The following EPHA6 variants were observed in gnomAD, a reference collection of about 807,000 sequenced individuals.
The protein encoded by EPHA6 is ephrin type-A receptor 6.
A neutral mutation model predicts 112.0 loss-of-function variants in EPHA6; 50 were observed. The observed-to-expected ratio is 0.45, with a 90% CI of 0.36 to 0.56. The LOEUF is 0.56. Ranked by LOEUF, EPHA6 falls within the 20% of genes least tolerant of loss-of-function variation. The pLI, the probability that EPHA6 is intolerant of heterozygous loss-of-function variation, is 0.00. For synonymous variants in EPHA6, 529 were observed against 490.7 expected (o/e 1.08, Z -1.03); for missense variants, 1,280 against 1,417.4 (o/e 0.90, Z 1.56).
At chr3:96,898,416 T>G (rs1414501133) in intron 2 of EPHA6, among the ~76,000 whole-genome samples, 2 of 152,160 alleles carry the variant, frequency 1.3e-5, no homozygotes, top group African/African-American at 4.8e-5. Flanking sequence ...TTTTACGACC[T>G]CAGCAATACC....
intron 3 of EPHA6, 131 bp downstream of exon 3, chr3:96,988,124 T>TCAAA: frequency 1.0e-5 from 6 of 590,890 alleles, no homozygotes; most frequent in African/African-American, 1.9e-5. Flanking sequence ...ATATAATGTA[T>TCAAA]ACTGATCAGA....
At chr3:97,254,252 G>A (rs993029261) in intron 5 of EPHA6, among the ~76,000 whole-genome samples, 1 of 152,058 alleles carries the variant, frequency 6.6e-6, no homozygotes, top group East Asian at 1.9e-4. Flanking sequence ...GCAGTGGCGC[G>A]ATCTCGGCTC....
At chr3:97,507,507 G>A (rs941188510) in intron 10 of EPHA6, among the ~76,000 whole-genome samples, 7 of 152,100 alleles carry the variant, frequency 4.6e-5, no homozygotes, top group Non-Finnish European at 8.8e-5. Flanking sequence ...CATCCCAGGG[G>A]TGAAGCTGAC....
chr3:97,192,746 C>T (rs533579220), intron 3 of EPHA6, among the ~76,000 whole-genome samples: 58 of 152,226 alleles, frequency 3.8e-4, no homozygotes, highest in African/African-American at 1.3e-3. Flanking sequence ...TTAGTAGCTT[C>T]ATAGTTTCAG....
At chr3:97,534,527 T>A (rs2092736874) in intron 11 of EPHA6, among the ~76,000 whole-genome samples, 1 of 151,156 alleles carries the variant, frequency 6.6e-6, no homozygotes, top group Admixed American at 6.6e-5. Flanking sequence ...CTTATTTGAA[T>A]TGAACAACAT....
intron 4 of EPHA6, among the ~76,000 whole-genome samples, chr3:97,230,771 G>A (rs542784519): frequency 6.6e-6 from 1 of 152,278 alleles, no homozygotes; most frequent in Non-Finnish European, 1.5e-5. Flanking sequence ...ATCTTCAGCT[G>A]CAGCAAAGAA....
intron 4 of EPHA6, among the ~76,000 whole-genome samples, chr3:97,228,229 T>C (rs6807189): frequency 0.048 from 7,357 of 152,198 alleles, 616 homozygotes; most frequent in African/African-American, 0.17. Context: ...GGGGAAGTTC[T>C]TTTGTGGTGA....
intron 1 of EPHA6, among the ~76,000 whole-genome samples, chr3:96,853,186 G>A (rs991914271): frequency 1.3e-5 from 2 of 151,914 alleles, no homozygotes; most frequent in African/African-American, 4.8e-5. Context: ...AATAATAGGT[G>A]TAAAGGTTTT....
In EPHA6 at chr3:97,138,805, A is replaced by G. The variant is rs143479258; in HGVS notation, c.1115-87459A>G. Among the ~76,000 whole-genome samples, 963 of 152,300 alleles carry G rather than the reference A, an allele frequency of 6.3e-3. 8 individuals are homozygous for G. Among genetic ancestry groups the G allele is most frequent in the African/African-American group, 0.022 (918 of 41,570 alleles). On this transcript the variant is annotated intron_variant, in intron 3 of 17. Transcript: ENST00000389672. ...AAGGGTGTGGCCTGATAGTCATGCT[A>G]TCTATCACAGACAGGGATTCTTGCA...
At chr3:97,123,459 A>G (rs1197072907) in intron 3 of EPHA6, among the ~76,000 whole-genome samples, 1 of 152,072 alleles carries the variant, frequency 6.6e-6, no homozygotes. Flanking sequence ...AAATTTAGGG[A>G]ATTTAAGCCA....
chr3:97,056,420 C>A (rs1027850331), intron 3 of EPHA6, among the ~76,000 whole-genome samples: 1 of 152,180 alleles, frequency 6.6e-6, no homozygotes, highest in African/African-American at 2.4e-5. Context: ...CTTTTATCAG[C>A]ATCCCATAAT....
chr3:97,736,238 T>C, intron 16 of EPHA6, 120 bp downstream of exon 16: 1 of 624,354 alleles, frequency 1.6e-6, no homozygotes, highest in South Asian at 4.4e-5. Flanking sequence ...TTGTTGACTT[T>C]GTGGAAACCA....
intron 13 of EPHA6, among the ~76,000 whole-genome samples, chr3:97,627,989 A>T (rs2093872913): frequency 6.6e-6 from 1 of 151,944 alleles, no homozygotes; most frequent in African/African-American, 2.4e-5. Context: ...CATTATAATG[A>T]CTTTGACTCT....
chr3:97,372,911 T>C (rs2085141952), intron 5 of EPHA6, among the ~76,000 whole-genome samples: 2 of 152,130 alleles, frequency 1.3e-5, no homozygotes, highest in African/African-American at 4.8e-5. Context: ...AGGGACTCTT[T>C]CCTGAAAAGT....
intron 5 of EPHA6, among the ~76,000 whole-genome samples, chr3:97,321,153 T>A (rs1457927252): frequency 6.6e-6 from 1 of 151,996 alleles, no homozygotes; most frequent in Non-Finnish European, 1.5e-5. Context: ...TTACTACTTA[T>A]CTATTTGAGG....
At chr3:96,932,572 G>C (rs1435136932) in intron 2 of EPHA6, among the ~76,000 whole-genome samples, 4 of 152,122 alleles carry the variant, frequency 2.6e-5, no homozygotes, top group Non-Finnish European at 1.5e-5. Flanking sequence ...GGATTTAGAA[G>C]ACATTAAATT....
chr3:96,895,210 A>G (rs1397943262), intron 2 of EPHA6, among the ~76,000 whole-genome samples: 3 of 152,150 alleles, frequency 2.0e-5, no homozygotes, highest in Non-Finnish European at 1.5e-5. Context: ...AGTGATATTG[A>G]TGATCTTGAA....
chr3:96,976,736 C>T (rs2042540286), intron 2 of EPHA6, among the ~76,000 whole-genome samples: 1 of 152,086 alleles, frequency 6.6e-6, no homozygotes, highest in Admixed American at 6.6e-5. Context: ...AAGATATGAC[C>T]TTGAGGGATA....
intron 2 of EPHA6, among the ~76,000 whole-genome samples, chr3:96,941,904 A>C (rs976490520): frequency 7.0e-6 from 1 of 143,744 alleles, no homozygotes; most frequent in South Asian, 2.1e-4. Context: ...CGGTGGCTGT[A>C]GAACAGCGGT....
Sources: allele counts gnomAD v4.1 joint callset (sites outside exome capture counted in the v4.1 genomes callset), GRCh38; gene constraint gnomAD v4.1.1; transcripts MANE v1.5; gene names NCBI Gene and HGNC (gene_info 2026-07-23, HGNC 2026-07-21).